The following MYO7B variants were observed in gnomAD, a reference collection of about 807,000 sequenced individuals.
MYO7B encodes the protein myosin VIIB.
A neutral mutation model predicts 259.7 loss-of-function variants in MYO7B; 212 were observed. The ratio of observed to expected loss-of-function variants is 0.82; its 90% CI spans 0.73 to 0.91. MYO7B has a LOEUF of 0.91. MYO7B is among the 40% of genes least tolerant of loss of function. The pLI is 0.00. For missense variants in MYO7B, 2,732 were observed against 2,813.5 expected (o/e 0.97, Z 0.66); for synonymous variants, 1,197 against 1,166.4 (o/e 1.03, Z -0.54).
intron 26 of MYO7B, among the ~76,000 whole-genome samples, chr2:127,618,764 G>A (rs1057226186): frequency 6.6e-6 from 1 of 152,174 alleles, no homozygotes; most frequent in Non-Finnish European, 1.5e-5. Context: ...AAGGGAAGTG[G>A]GGAAAGTTTT....
rs1451723225 is a variant in MYO7B at position 127,588,471 on chromosome 2, G to A, written c.1770G>A (p.Arg590=). 6.2e-7 allele frequency: 1 copy of A among 1,613,360 alleles called. No individual in the cohort carries two copies. The highest frequency in any genetic ancestry group is 1.7e-5 in the Admixed American group (1 of 60,034). Residue 590 remains arginine, a synonymous_variant, in exon 15 of 48, where the codon AGG becomes AGA. Coordinates refer to ENST00000409816, the MANE Select transcript of MYO7B (RefSeq NM_001393586.1). ...LVYSSKNKFL[R]EIFNLELAET... is the part of the protein sequence containing the mutation. ...ACTCCTCCAAAAACAAGTTTCTGAGGGAGATATTCAACTTGGAGTTAGCAG... is the reference window on the plus strand; with the variant it reads ...ACTCCTCCAAAAACAAGTTTCTGAGAGAGATATTCAACTTGGAGTTAGCAG...
chr2:127,571,453 T>G (rs377193726), intron 6 of MYO7B, among the ~76,000 whole-genome samples: 1,820 of 101,036 alleles, frequency 0.018, 30 homozygotes, highest in Middle Eastern at 0.04. Flanking sequence ...TTTTTTTTTT[T>G]TTTTTTGCTT....
At chr2:127,604,021 T>C (rs1680066901) in intron 19 of MYO7B, among the ~76,000 whole-genome samples, 1 of 152,150 alleles carries the variant, frequency 6.6e-6, no homozygotes, top group Non-Finnish European at 1.5e-5. Flanking sequence ...TAGTCCCAGC[T>C]ACTCGGGAGG....
At chr2:127,564,299 C>G (rs1678237078) in intron 3 of MYO7B, 33 bp downstream of exon 3, 2 of 1,497,444 alleles carry the variant, frequency 1.3e-6, no homozygotes, top group Non-Finnish European at 1.8e-6. Context: ...TGGGCCCTGC[C>G]CTGCCCTCAC....
Position 127,573,788 on chromosome 2 carries a change from T to C in MYO7B, c.593-132T>C, listed in dbSNP as rs907636292. ...AGCGGGCGCTTGGCTTCCGTCACTG[T>C]CTGGTGCAGCCGTGCCCATTCTTCA... is the stretch of plus-strand genomic sequence containing the variant. On this transcript the variant is annotated intron_variant, in intron 6 of 47. Coordinates refer to ENST00000409816, the MANE Select transcript of MYO7B (RefSeq NM_001393586.1). 3 of 1,207,002 alleles carry C rather than the reference T, an allele frequency of 2.5e-6. No individual in the cohort carries two copies. The Admixed American group carries it at 7.6e-5, about 31-fold the overall frequency. The allele number at this position is 1,207,002 out of a possible 1,614,324, so 74.8% of individuals were successfully genotyped here. A position where few individuals can be genotyped will look rare whatever the true frequency, so the allele number is the denominator to read the frequency against.
rs866066405 is a variant in MYO7B, at chr2:127,634,761, A to G, written c.5713+78A>G. On this transcript the variant is annotated intron_variant, in intron 42 of 47. Transcript: ENST00000409816. ...GGCACTGGCGGCCTCTGTGCGGCCCATGCCCATTCATCCATCCATTCGTTC... is the reference window on the plus strand; with the variant it reads ...GGCACTGGCGGCCTCTGTGCGGCCCGTGCCCATTCATCCATCCATTCGTTC... The G allele has an allele frequency of 1.2e-4, 158 of 1,278,706 alleles. No homozygotes were observed. In the Middle Eastern group the frequency reaches 2.7e-3, roughly 22 times the overall value. 79.2% of individuals were successfully genotyped at this position (1,278,706 alleles called of 1,614,324 possible).
At position 127,582,450 on chromosome 2, in the gene MYO7B, T is replaced by G. The variant is rs1255466706; in HGVS notation, c.1343+4T>G. On this transcript the variant is annotated splice_donor_region_variant and intron_variant, in intron 12 of 47. Coordinates refer to ENST00000409816, the MANE Select transcript of MYO7B (RefSeq NM_001393586.1). The stretch of plus-strand genomic sequence containing the variant: ...TTGAAAATTTCGAGAACAATAGGTA[T>G]GAAGATCTCAGATCCCAGCCCCACT... 1.2e-6 allele frequency: 2 copies of G among 1,612,592 alleles called. No homozygotes were observed. The highest frequency in any genetic ancestry group is 1.7e-5 in the Admixed American group (1 of 59,896).
At chr2:127,548,399 A>G (rs1693318182) in intron 1 of MYO7B, among the ~76,000 whole-genome samples, 1 of 148,634 alleles carries the variant, frequency 6.7e-6, no homozygotes, top group Admixed American at 6.7e-5. Context: ...GGAAGCTTAG[A>G]TTATTGATTT....
At position 127,625,465 on chromosome 2, in the gene MYO7B, TC is replaced by T. The variant is rs1681061097; in HGVS notation, c.4150del (p.His1384ThrfsTer70). 6.2e-7 allele frequency: 1 copy of T among 1,612,222 alleles called. No individual in the cohort carries two copies. Among genetic ancestry groups the T allele is most frequent in the South Asian group, 1.1e-5 (1 of 91,036 alleles). ...KAVQELLPSC[I>X]PHKLYRTKPP... is the part of the protein sequence containing the mutation. ...GTCCAGGAGCTGCTGCCCAGCTGCA[TC>T]CCCCACAAGCTGTACAGGACCAAGC... On this transcript the variant is annotated frameshift_variant, in exon 31 of 48. Transcript: ENST00000409816. LOFTEE classifies it high-confidence loss of function.
rs552969261 is a variant in MYO7B, at chr2:127,631,092, G to A, written c.4938-114G>A. On this transcript the variant is annotated intron_variant, in intron 36 of 47. Coordinates refer to ENST00000409816, the MANE Select transcript of MYO7B (RefSeq NM_001393586.1). ...GCCAGGGGAGTCAGGAGGGGCTTGC[G>A]GCAGGGTGGGGTGCTCTGGCCCTCC... 1.5e-4 allele frequency: 208 copies of A among 1,424,748 alleles called. No homozygotes were observed. In the African/African-American group the frequency reaches 2.7e-3, roughly 19 times the overall value. 88.3% of individuals were successfully genotyped at this position (1,424,748 alleles called of 1,614,324 possible).
At chr2:127,608,454 G>A (rs564749121) in intron 21 of MYO7B, among the ~76,000 whole-genome samples, 52 of 152,330 alleles carry the variant, frequency 3.4e-4, no homozygotes, top group African/African-American at 1.2e-3. Context: ...CCATCTGAGG[G>A]TAGGGACAAG....
intron 1 of MYO7B, among the ~76,000 whole-genome samples, chr2:127,558,745 C>A (rs1677932503): frequency 6.6e-6 from 1 of 152,132 alleles, no homozygotes; most frequent in Non-Finnish European, 1.5e-5. Flanking sequence ...TTCACAGCAA[C>A]CTGGATGGGA....
In MYO7B at chr2:127,607,364, C is replaced by T. The variant is rs2105024979; in HGVS notation, c.2583C>T (p.Val861=). The change falls in exon 21 of 48, where the codon GTC becomes GTT. Residue 861 remains valine (V), a synonymous_variant. Coordinates refer to ENST00000409816, the MANE Select transcript of MYO7B (RefSeq NM_001393586.1). This position sits in a 1 kb window ranked among gnomAD's most constrained non-coding sequence, Gnocchi z 4.4. Reference sequence around the variant, plus strand: ...AGGCCAAGAGGAGGGCAGTGGTGGTCATTCAGGCCCATGCCAGGGGCATGG... The same window carrying T: ...AGGCCAAGAGGAGGGCAGTGGTGGTTATTCAGGCCCATGCCAGGGGCATGG... ...QVQAKRRAVV[V]IQAHARGMAA... 1 of 1,551,400 alleles carries T rather than the reference C, an allele frequency of 6.4e-7. No homozygotes were observed. The highest frequency in any genetic ancestry group is 1.2e-5 in the South Asian group (1 of 84,046).
intron 7 of MYO7B, 65 bp downstream of exon 7, chr2:127,574,127 T>C (rs1306587610): frequency 6.3e-7 from 1 of 1,584,956 alleles, no homozygotes; most frequent in East Asian, 2.2e-5. Flanking sequence ...GAGGGGCCCC[T>C]TTCCCACTCT....
At chr2:127,580,674 C>T (rs1373140216) in intron 9 of MYO7B, 72 bp from the exon 10 acceptor site, 4 of 1,455,336 alleles carry the variant, frequency 2.7e-6, no homozygotes, top group African/African-American at 1.4e-5. Context: ...GCCAAGGGCC[C>T]GGGCCAGTCG....
At chr2:127,608,681 G>A in intron 21 of MYO7B, 27 bp from the exon 22 acceptor site, 2 of 1,596,700 alleles carry the variant, frequency 1.3e-6, no homozygotes, top group East Asian at 2.3e-5. Flanking sequence ...TGGGCCCCTG[G>A]GTAACCTTCC....
In MYO7B at chr2:127,585,467, T is replaced by C. The variant is rs867685336; in HGVS notation, c.1690+554T>C. 2.0e-5 allele frequency among the ~76,000 whole-genome samples: 3 copies of C among 152,218 alleles called. No individual in the cohort carries two copies. Among genetic ancestry groups the C allele is most frequent in the African/African-American group, 7.2e-5 (3 of 41,448 alleles). ...AACATTCCATTATCTGGAATGTTTA[T>C]CTCGTCATCAGTTGGCGGACATTTG... On this transcript the variant is annotated intron_variant, in intron 14 of 47. Coordinates refer to ENST00000409816, the MANE Select transcript of MYO7B (RefSeq NM_001393586.1). This position sits in a 1 kb window ranked among gnomAD's most constrained non-coding sequence, Gnocchi z 4.3.
At position 127,586,517 on chromosome 2, in the gene MYO7B, C is replaced by T. The variant is rs1291994752; in HGVS notation, c.1690+1604C>T. 1.3e-5 allele frequency among the ~76,000 whole-genome samples: 2 copies of T among 152,132 alleles called. No individual in the cohort carries two copies. Among genetic ancestry groups the T allele is most frequent in the Admixed American group, 6.5e-5 (1 of 15,272 alleles). On this transcript the variant is annotated intron_variant, in intron 14 of 47. Coordinates refer to ENST00000409816, the MANE Select transcript of MYO7B (RefSeq NM_001393586.1). The surrounding 1 kb of genome is among the most constrained non-coding windows in gnomAD (Gnocchi z 4.8). ...GGCCAAGGGAGAAAGGGAAAGGTGCCGTGGCTCCTTCATAGTTCCTGCCAC... is the reference window on the plus strand; with the variant it reads ...GGCCAAGGGAGAAAGGGAAAGGTGCTGTGGCTCCTTCATAGTTCCTGCCAC...
rs1383428537 is a variant in MYO7B at position 127,590,089 on chromosome 2, C to G, written c.1855-3C>G. On this transcript the variant is annotated splice_region_variant and splice_polypyrimidine_tract_variant and intron_variant, in intron 15 of 47. Coordinates refer to ENST00000409816, the MANE Select transcript of MYO7B (RefSeq NM_001393586.1). The surrounding 1 kb of genome is among the most constrained non-coding windows in gnomAD (Gnocchi z 4.6). ...CACTTGTGCTCTGTGCTTCCATTCACAGTCTGCAGACTCAAATAAACGGCC... is the reference window on the plus strand; with the variant it reads ...CACTTGTGCTCTGTGCTTCCATTCAGAGTCTGCAGACTCAAATAAACGGCC... 1.9e-6 allele frequency: 3 copies of G among 1,571,652 alleles called. No homozygotes were observed. The highest frequency in any genetic ancestry group is 2.6e-6 in the Non-Finnish European group (3 of 1,158,942).
Sources: gnomAD v4.1 joint callset for allele counts (sites outside exome capture counted in the v4.1 genomes callset) on GRCh38, gnomAD v4.1.1 for gene constraint, Gnocchi (gnomAD v3.1) non-coding constraint, MANE v1.5 for transcripts, NCBI Gene and HGNC (gene_info 2026-07-23, HGNC 2026-07-21) for gene names.